ITPR1: variants seen among roughly 807,000 people sequenced by gnomAD.
ITPR1 encodes inositol 1,4,5-trisphosphate receptor type 1, also known as inositol 1,4,5-trisphosphate-gated calcium channel ITPR1.
ITPR1 carries 96 observed loss-of-function variants against 318.4 expected under a neutral mutation model. The ratio of observed to expected loss-of-function variants is 0.30; its 90% CI spans 0.26 to 0.36. The LOEUF is 0.36. Ranked by LOEUF, ITPR1 falls within the 10% of genes least tolerant of loss-of-function variation. The probability of loss-of-function intolerance (pLI) is 1.00; values close to 1 mark genes in which losing one functional copy is unlikely to be tolerated. For missense variants in ITPR1, 2,440 were observed against 3,460.2 expected (o/e 0.71, Z 7.40); for synonymous variants, 1,312 against 1,289.9 (o/e 1.02, Z -0.37).
At chr3:4,801,085 A>C (rs1490586279) in intron 54 of ITPR1, among the ~76,000 whole-genome samples, 1 of 152,194 alleles carries the variant, frequency 6.6e-6, no homozygotes, top group Non-Finnish European at 1.5e-5. Flanking sequence ...AATTCTTTAA[A>C]AGTCAGTGGT....
Position 4,815,231 on chromosome 3 carries a change from G to A in ITPR1, c.7867+13G>A. ...TGCTTTATCTGTGGTGAGTGTCGCT[G>A]GCCAGCTCCAGCAAGGGCGTGAAGG... is the stretch of plus-strand genomic sequence containing the variant. On this transcript the variant is annotated intron_variant, in intron 59 of 61. Transcript: ENST00000649015. 2 of 1,613,270 alleles carry A rather than the reference G, an allele frequency of 1.2e-6. No homozygotes were observed. The highest frequency in any genetic ancestry group is 1.7e-5 in the Admixed American group (1 of 59,948).
chr3:4,825,831 C>A, intron 60 of ITPR1: 2 of 456,824 alleles, frequency 4.4e-6, no homozygotes, highest in South Asian at 3.1e-5. Context: ...ACGCAAGGAA[C>A]CAAGTGCAGG....
chr3:4,745,758 T>A (rs1339135692), intron 44 of ITPR1, among the ~76,000 whole-genome samples: 1 of 152,208 alleles, frequency 6.6e-6, no homozygotes, highest in Admixed American at 6.5e-5. Flanking sequence ...AAATCCCTGA[T>A]GGGCATCTCC....
chr3:4,564,180 A>G (rs1422203298), intron 4 of ITPR1, among the ~76,000 whole-genome samples: 1 of 152,044 alleles, frequency 6.6e-6, no homozygotes, highest in African/African-American at 2.4e-5. Flanking sequence ...ACCTCAGCTG[A>G]TCCACCCGCC....
chr3:4,814,474 C>G lies in ITPR1; in HGVS notation c.7613C>G (p.Thr2538Arg). The G allele has an allele frequency of 6.2e-7, 1 of 1,613,684 alleles. No homozygotes were observed. Among genetic ancestry groups the G allele is most frequent in the East Asian group, 2.2e-5 (1 of 44,876 alleles). ...CAGGATAAAGAGCACACATGTGAGA[C>G]GCTGCTGATGTGCATTGTCACTGTG... ...TEQDKEHTCE[T>R]LLMCIVTVLS... The change falls in exon 58 of 62, where the codon ACG becomes AGG. Residue 2538 changes from threonine (T) to arginine (R), a missense_variant. By Grantham distance (71) the Thr-to-Arg change is moderately conservative. Coordinates refer to ENST00000649015, the MANE Select transcript of ITPR1 (RefSeq NM_001378452.1).
At chr3:4,730,938 C>T (rs941928736) in intron 42 of ITPR1, among the ~76,000 whole-genome samples, 1 of 152,160 alleles carries the variant, frequency 6.6e-6, no homozygotes, top group Non-Finnish European at 1.5e-5. Flanking sequence ...ATCTAGCGCT[C>T]AAACAATGTT....
intron 46 of ITPR1, among the ~76,000 whole-genome samples, chr3:4,769,356 G>A (rs1255489587): frequency 2.0e-5 from 3 of 152,202 alleles, no homozygotes; most frequent in Non-Finnish European, 4.4e-5. Flanking sequence ...CTATTGATGT[G>A]TGTGTCTTGT....
chr3:4,624,788 G>A (rs892244351), intron 4 of ITPR1, among the ~76,000 whole-genome samples: 1 of 151,468 alleles, frequency 6.6e-6, no homozygotes, highest in Non-Finnish European at 1.5e-5. Context: ...TTGGGATAAT[G>A]TTCAGGCCTG....
chr3:4,758,032 C>T (rs1438495651), intron 44 of ITPR1, among the ~76,000 whole-genome samples: 4 of 152,218 alleles, frequency 2.6e-5, no homozygotes, highest in Admixed American at 2.0e-4. Flanking sequence ...GAATTTTCCT[C>T]AGCCTGTGGA....
At chr3:4,800,988 G>A (rs2048192292) in intron 54 of ITPR1, among the ~76,000 whole-genome samples, 1 of 152,156 alleles carries the variant, frequency 6.6e-6, no homozygotes, top group South Asian at 2.1e-4. Flanking sequence ...TTCTGGAAAG[G>A]GCCACATAGA....
At chr3:4,670,561 C>A (rs534786920) in intron 19 of ITPR1, among the ~76,000 whole-genome samples, 168 bp from the exon 20 acceptor site, 8 of 152,318 alleles carry the variant, frequency 5.3e-5, no homozygotes, top group Admixed American at 4.6e-4. Context: ...TCGAGAACCA[C>A]TGGGTTACAG....
intron 4 of ITPR1, 22 bp downstream of exon 4, chr3:4,521,116 A>C: frequency 6.4e-7 from 1 of 1,563,758 alleles, no homozygotes; most frequent in Non-Finnish European, 8.8e-7. Flanking sequence ...GCTTTCCTGG[A>C]GTAGTCACCT....
intron 37 of ITPR1, among the ~76,000 whole-genome samples, chr3:4,707,904 G>C (rs2094793429): frequency 1.3e-5 from 2 of 152,324 alleles, no homozygotes; most frequent in African/African-American, 4.8e-5. Context: ...TGGGGATACA[G>C]TGGTCAGCAA....
chr3:4,794,708 A>G (rs530013743), intron 52 of ITPR1, among the ~76,000 whole-genome samples: 1 of 152,272 alleles, frequency 6.6e-6, no homozygotes, highest in East Asian at 1.9e-4. Flanking sequence ...CTGGTCCCAG[A>G]GCCCTAGGGG....
At chr3:4,663,987 G>A (rs1250411138) in intron 16 of ITPR1, among the ~76,000 whole-genome samples, 3 of 152,160 alleles carry the variant, frequency 2.0e-5, no homozygotes, top group Non-Finnish European at 4.4e-5. Context: ...TGATAGTTCA[G>A]TTCAATTGAT....
At chr3:4,842,582 G>A (rs772529441) in intron 61 of ITPR1, among the ~76,000 whole-genome samples, 12 of 152,244 alleles carry the variant, frequency 7.9e-5, no homozygotes, top group East Asian at 1.9e-4. Context: ...TGGCCAGGCC[G>A]GTCTCGAACT....
At chr3:4,669,906 T>C (rs891445515) in intron 19 of ITPR1, 133 bp downstream of exon 19, 15 of 949,724 alleles carry the variant, frequency 1.6e-5, no homozygotes, top group African/African-American at 3.4e-5. Context: ...GATCTTCTTA[T>C]TGGAAAAGTC....
chr3:4,730,935 G>A (rs566551509), intron 42 of ITPR1, among the ~76,000 whole-genome samples: 10 of 152,226 alleles, frequency 6.6e-5, no homozygotes, highest in South Asian at 2.1e-4. Flanking sequence ...GCCATCTAGC[G>A]CTCAAACAAT....
chr3:4,843,276 T>C (rs1470459601), intron 61 of ITPR1, among the ~76,000 whole-genome samples: 1 of 152,184 alleles, frequency 6.6e-6, no homozygotes, highest in East Asian at 1.9e-4. Context: ...GCCTACTATA[T>C]GCTCAGTTGC....
Sources: allele counts gnomAD v4.1 joint callset (sites outside exome capture counted in the v4.1 genomes callset), GRCh38; gene constraint gnomAD v4.1.1; transcripts MANE v1.5; gene names NCBI Gene and HGNC (gene_info 2026-07-23, HGNC 2026-07-21).